SYT1: variants seen among roughly 807,000 people sequenced by gnomAD.
SYT1 encodes the protein synaptotagmin 1.
In SYT1, 8 loss-of-function variants were observed where a neutral mutation model predicts 44.8. The ratio of observed to expected loss-of-function variants is 0.18; its 90% CI spans 0.10 to 0.32. The LOEUF (loss-of-function observed/expected upper bound fraction) is 0.32. Ranked by LOEUF, SYT1 falls within the 10% of genes least tolerant of loss-of-function variation. The probability of loss-of-function intolerance (pLI) is 1.00; values close to 1 mark genes in which losing one functional copy is unlikely to be tolerated. For synonymous variants in SYT1, 154 were observed against 188.8 expected, an observed-to-expected ratio of 0.82 and a Z score of 1.51; for missense variants, 286 against 509.3, an observed-to-expected ratio of 0.56 and a Z score of 4.22.
chr12:78,919,850 G>T (rs1876879882), intron 1 of SYT1, among the ~76,000 whole-genome samples: 1 of 151,940 alleles, frequency 6.6e-6, no homozygotes, highest in African/African-American at 2.4e-5. Context: ...AAGTCTAATT[G>T]TGTGTGCCAC....
At chr12:79,116,411 T>C (rs1879279968) in intron 3 of SYT1, among the ~76,000 whole-genome samples, 2 of 152,150 alleles carry the variant, frequency 1.3e-5, no homozygotes, top group Admixed American at 1.3e-4. Flanking sequence ...AGGTGAAAAT[T>C]AGGAAGGCAA....
chr12:79,417,120 C>T (rs180912537), intron 9 of SYT1, among the ~76,000 whole-genome samples: 1 of 152,188 alleles, frequency 6.6e-6, no homozygotes, highest in Admixed American at 6.5e-5. Flanking sequence ...AAACAATGAA[C>T]ATGTTCATTT....
intron 1 of SYT1, among the ~76,000 whole-genome samples, chr12:78,966,649 C>T (rs571567290): frequency 2.0e-5 from 3 of 152,274 alleles, no homozygotes; most frequent in African/African-American, 7.2e-5. Context: ...CACCTATTTA[C>T]TTACAGTGCC....
intron 1 of SYT1, among the ~76,000 whole-genome samples, chr12:78,931,230 A>AGAAG (rs1877657932): frequency 1.7e-5 from 1 of 58,370 alleles, no homozygotes; most frequent in South Asian, 7.2e-4. Flanking sequence ...AAAGAAAGAA[A>AGAAG]GAAAGAAAGA....
At chr12:78,877,887 T>A (rs148127255) in intron 1 of SYT1, among the ~76,000 whole-genome samples, 62 of 151,816 alleles carry the variant, frequency 4.1e-4, no homozygotes, top group African/African-American at 1.5e-3. Flanking sequence ...ATTCAGCTTC[T>A]CAAGGTACTA....
intron 3 of SYT1, among the ~76,000 whole-genome samples, chr12:79,202,315 T>C (rs1431641625): frequency 6.6e-6 from 1 of 152,180 alleles, no homozygotes; most frequent in East Asian, 1.9e-4. Flanking sequence ...CAATGTTCAA[T>C]GTCATGTTCC....
intron 8 of SYT1, among the ~76,000 whole-genome samples, chr12:79,345,500 A>G (rs1882569262): frequency 6.6e-6 from 1 of 152,202 alleles, no homozygotes; most frequent in Admixed American, 6.5e-5. Flanking sequence ...GAACGAATAT[A>G]AACCAATGAG....
At position 79,398,667 on chromosome 12, in the gene SYT1, T is replaced by G. The variant is rs561553602; in HGVS notation, c.928+45048T>G. 3.8e-4 allele frequency among the ~76,000 whole-genome samples: 58 copies of G among 152,292 alleles called. No homozygotes were observed. In the South Asian group the frequency reaches 0.012, roughly 32 times the overall value. On this transcript the variant is annotated intron_variant, in intron 9 of 10. Coordinates refer to ENST00000261205, the MANE Select transcript of SYT1 (RefSeq NM_005639.3). ...ATGTTAACTTATACAAATCAACATA[T>G]ATAAAATTTGTCAACAGTAGACATG...
chr12:79,242,317 G>A (rs951388495), intron 4 of SYT1, among the ~76,000 whole-genome samples: 32 of 152,150 alleles, frequency 2.1e-4, no homozygotes, highest in African/African-American at 7.5e-4. Context: ...GTTATAGAGC[G>A]GCTTGGGAAG....
chr12:79,208,322 T>A (rs1370367655), intron 3 of SYT1, among the ~76,000 whole-genome samples: 2 of 152,152 alleles, frequency 1.3e-5, no homozygotes, highest in African/African-American at 4.8e-5. Context: ...ATGGTGTGAA[T>A]TGATGTCTTA....
chr12:79,433,526 A>T (rs1483140686), intron 9 of SYT1, among the ~76,000 whole-genome samples: 1 of 152,162 alleles, frequency 6.6e-6, no homozygotes, highest in East Asian at 1.9e-4. Flanking sequence ...CTTTCATCTG[A>T]CGTAAATAAG....
chr12:78,901,610 A>G (rs1875669244), intron 1 of SYT1, among the ~76,000 whole-genome samples: 1 of 152,134 alleles, frequency 6.6e-6, no homozygotes, highest in South Asian at 2.1e-4. Context: ...ACACAAGTGT[A>G]AATTGGAGGG....
chr12:79,390,424 C>T (rs1006240540), intron 9 of SYT1, among the ~76,000 whole-genome samples: 26 of 149,892 alleles, frequency 1.7e-4, no homozygotes, highest in Non-Finnish European at 1.5e-5. Context: ...TGCATACAAG[C>T]ACATAGATTT....
intron 2 of SYT1, among the ~76,000 whole-genome samples, chr12:79,010,518 T>C (rs192103417): frequency 2.9e-4 from 44 of 152,248 alleles, no homozygotes; most frequent in African/African-American, 9.9e-4. Context: ...AGAGGAGGTA[T>C]CTATATTTTA....
intron 8 of SYT1, among the ~76,000 whole-genome samples, chr12:79,326,022 T>C (rs2138995960): frequency 6.6e-6 from 1 of 152,236 alleles, no homozygotes; most frequent in South Asian, 2.1e-4. Context: ...GGGGGGAAAA[T>C]ATACAAAGCT....
chr12:79,383,094 TG>T (rs1485288931), intron 9 of SYT1, among the ~76,000 whole-genome samples: 1 of 152,198 alleles, frequency 6.6e-6, no homozygotes, highest in Non-Finnish European at 1.5e-5. Context: ...TACAGTCACG[TG>T]GGATACAGGT....
rs57706449 is a variant in SYT1, at chr12:79,117,662, CATATATATATATATATATATATATATAT to C, written c.-18+70326_-18+70353del. Among the ~76,000 whole-genome samples the C allele has an allele frequency of 1.4e-3, 56 of 39,308 alleles. 1 individual carries two copies. Among genetic ancestry groups the C allele is most frequent in the South Asian group, 2.4e-3 (2 of 828 alleles). The allele number at this position is 39,308 out of a possible 152,430, so 25.8% of individuals were successfully genotyped here. ...GTGTGTGTGTGTGTGTGTATTACATCATATATATATATATATATATATATATATATATATATATATATATATATATATA... is the reference window on the plus strand; with the variant it reads ...GTGTGTGTGTGTGTGTGTATTACATCATATATATATATATATATATATATA... On this transcript the variant is annotated intron_variant, in intron 3 of 10. Transcript: ENST00000261205.
At chr12:79,025,843 CT>C (rs970423912) in intron 2 of SYT1, among the ~76,000 whole-genome samples, 1 of 151,424 alleles carries the variant, frequency 6.6e-6, no homozygotes, top group Non-Finnish European at 1.5e-5. Flanking sequence ...TATAAGTGAC[CT>C]TTTCAGAAGG....
intron 1 of SYT1, among the ~76,000 whole-genome samples, chr12:78,919,790 G>A (rs768283141): frequency 4.6e-5 from 7 of 152,112 alleles, no homozygotes; most frequent in African/African-American, 9.6e-5. Context: ...GTGTTAGTAC[G>A]TCTCTGGATA....
Sources: gnomAD v4.1 joint callset for allele counts (sites outside exome capture counted in the v4.1 genomes callset) on GRCh38, gnomAD v4.1.1 for gene constraint, MANE v1.5 for transcripts, NCBI Gene and HGNC (gene_info 2026-07-23, HGNC 2026-07-21) for gene names.